EXO1: variants seen among roughly 807,000 people sequenced by gnomAD.
EXO1 encodes the protein exonuclease 1.
A neutral mutation model predicts 84.5 loss-of-function variants in EXO1; 69 were observed. The observed-to-expected ratio is 0.82, with a 90% confidence interval of 0.67 to 1.00. EXO1 has a LOEUF of 1.00. Ranked by LOEUF, EXO1 falls within the 50% of genes least tolerant of loss-of-function variation. The probability of loss-of-function intolerance (pLI) is 0.00; values close to 1 mark genes in which losing one functional copy is unlikely to be tolerated. For synonymous variants in EXO1, 373 were observed against 366.1 expected, an observed-to-expected ratio of 1.02 and a Z score of -0.21; for missense variants, 1,045 against 1,000.7, an observed-to-expected ratio of 1.04 and a Z score of -0.60.
At chr1:241,867,465 A>G (rs920402359) in intron 11 of EXO1, among the ~76,000 whole-genome samples, 1 of 152,210 alleles carries the variant, frequency 6.6e-6, no homozygotes, top group Non-Finnish European at 1.5e-5. Context: ...CCCACAACAC[A>G]TAGGAATTAT....
chr1:241,889,037 A>G (rs1427361130), intron 15 of EXO1, among the ~76,000 whole-genome samples: 2 of 152,048 alleles, frequency 1.3e-5, no homozygotes, highest in African/African-American at 4.8e-5. Context: ...GTGCCACTGC[A>G]CTCCAGCCTG....
chr1:241,865,640 G>C (rs1187934586), intron 10 of EXO1, among the ~76,000 whole-genome samples: 1 of 133,862 alleles, frequency 7.5e-6, no homozygotes, highest in Non-Finnish European at 1.6e-5. Flanking sequence ...TCCTTCATCA[G>C]CTCAAATTCC....
intron 10 of EXO1, among the ~76,000 whole-genome samples, chr1:241,864,992 G>A (rs906667280): frequency 1.3e-5 from 2 of 150,974 alleles, no homozygotes; most frequent in Non-Finnish European, 2.9e-5. Context: ...CTGGCATCAA[G>A]CCTCTTGAGT....
chr1:241,881,576 G>A (rs1662758729), intron 13 of EXO1, among the ~76,000 whole-genome samples: 1 of 152,194 alleles, frequency 6.6e-6, no homozygotes, highest in Admixed American at 6.5e-5. Flanking sequence ...ATTTTAGCTA[G>A]TAAGATGAAA....
chr1:241,868,087 T>G (rs1661854644), intron 11 of EXO1, among the ~76,000 whole-genome samples: 1 of 151,740 alleles, frequency 6.6e-6, no homozygotes, highest in Admixed American at 6.6e-5. Flanking sequence ...CAAAAAAAAT[T>G]TTTAAGGCCG....
intron 4 of EXO1, among the ~76,000 whole-genome samples, chr1:241,851,238 A>G (rs543772086): frequency 6.6e-6 from 1 of 152,286 alleles, no homozygotes; most frequent in African/African-American, 2.4e-5. Context: ...CCTGGTTAGC[A>G]AAAAAACAAA....
chr1:241,875,297 C>G lies in EXO1; in HGVS notation c.1514+3019C>G, dbSNP rs192958356. On this transcript the variant is annotated intron_variant, in intron 12 of 15. Transcript: ENST00000366548. ...GGGATTACAGGCGTGAGTCACCACA[C>G]TCTGCCCTGTTTTTCAAGTTTAATA... Among the ~76,000 whole-genome samples, 102 of 152,288 alleles carry G rather than the reference C, an allele frequency of 6.7e-4. 1 individual carries two copies. Among genetic ancestry groups the G allele is most frequent in the African/African-American group, 2.4e-3 (100 of 41,568 alleles).
intron 10 of EXO1, among the ~76,000 whole-genome samples, chr1:241,861,822 A>G (rs1056511517): frequency 2.0e-5 from 3 of 152,190 alleles, no homozygotes; most frequent in Non-Finnish European, 4.4e-5. Context: ...ATTTGGCATC[A>G]TTGAAGACCC....
chr1:241,861,582 T>C (rs1342420398), intron 10 of EXO1, 80 bp downstream of exon 10: 9 of 806,094 alleles, frequency 1.1e-5, no homozygotes, highest in Non-Finnish European at 1.8e-5. Context: ...CTTCATACAC[T>C]AAGCTTCTTT....
intron 4 of EXO1, among the ~76,000 whole-genome samples, chr1:241,851,773 G>T (rs1405795176): frequency 1.3e-5 from 2 of 152,134 alleles, no homozygotes; most frequent in African/African-American, 4.8e-5. Flanking sequence ...CGCAGAACTG[G>T]TTGTTAAACA....
chr1:241,866,719 A>G (rs566255049), intron 10 of EXO1, 111 bp from the exon 11 acceptor site: 9 of 816,756 alleles, frequency 1.1e-5, no homozygotes, highest in African/African-American at 3.4e-5. Context: ...ATCAACAGCT[A>G]TTGTTTTTAA....
At chr1:241,865,177 T>TTATATA (rs10570422) in intron 10 of EXO1, among the ~76,000 whole-genome samples, 7 of 131,272 alleles carry the variant, frequency 5.3e-5, no homozygotes, top group African/African-American at 1.9e-4. Flanking sequence ...GGCCACAGCA[T>TTATATA]TATATATATA....
intron 6 of EXO1, among the ~76,000 whole-genome samples, chr1:241,856,636 A>G (rs950750321): frequency 2.0e-5 from 3 of 152,188 alleles, no homozygotes; most frequent in Admixed American, 6.5e-5. Flanking sequence ...GTAGCTTGAC[A>G]GGACAACCTG....
chr1:241,881,098 G>T (rs1485664994), intron 13 of EXO1, among the ~76,000 whole-genome samples: 1 of 151,926 alleles, frequency 6.6e-6, no homozygotes, highest in Non-Finnish European at 1.5e-5. Flanking sequence ...TACAATCTCG[G>T]CTCACTGCAA....
intron 10 of EXO1, among the ~76,000 whole-genome samples, chr1:241,864,032 C>T (rs967085531): frequency 8.5e-4 from 129 of 152,242 alleles, no homozygotes; most frequent in African/African-American, 3.1e-3. Context: ...TGAACGTTTT[C>T]TTCCGCTCTC....
chr1:241,867,977 G>T (rs895942584), intron 11 of EXO1, among the ~76,000 whole-genome samples: 1 of 150,306 alleles, frequency 6.7e-6, no homozygotes, highest in Non-Finnish European at 1.5e-5. Context: ...ATGGTGGTTT[G>T]CACCTACAAC....
intron 3 of EXO1, among the ~76,000 whole-genome samples, chr1:241,849,840 G>A (rs561751288): frequency 7.1e-4 from 108 of 152,312 alleles, no homozygotes; most frequent in African/African-American, 2.5e-3. Flanking sequence ...AAGTGCAAAA[G>A]CACTTTGGAA....
Position 241,853,486 on chromosome 1 carries a change from G to GA in EXO1, c.405+6dup. The GA allele has an allele frequency of 6.2e-7, 1 of 1,613,948 alleles. No homozygotes were observed. The highest frequency in any genetic ancestry group is 1.1e-5 in the South Asian group (1 of 91,060). On this transcript the variant is annotated splice_donor_region_variant and intron_variant, in intron 6 of 15. Coordinates refer to ENST00000366548, the MANE Select transcript of EXO1 (RefSeq NM_130398.4). ...ATGGCCCACAAAGTAATTAAAGTAAGACAAAGGGGCAGATGGGCAAGTTCA... is the reference window on the plus strand; with the variant it reads ...ATGGCCCACAAAGTAATTAAAGTAAGAACAAAGGGGCAGATGGGCAAGTTCA...
At position 241,889,710 on chromosome 1, in the gene EXO1, A is replaced by T; in HGVS notation, c.*110A>T. ...GAAGAATTTTTTCTCATTCTGTGCC[A>T]TTTTAAAAATAGAATACATTTTGTA... On this transcript the variant is annotated 3_prime_UTR_variant, in exon 16 of 16. Transcript: ENST00000366548. 9.5e-7 allele frequency: 1 copy of T among 1,049,444 alleles called. No homozygotes were observed. The highest frequency in any genetic ancestry group is 1.5e-6 in the Non-Finnish European group (1 of 675,718). 65.0% of individuals were successfully genotyped at this position (1,049,444 alleles called of 1,614,324 possible).
Sources: allele counts gnomAD v4.1 joint callset (sites outside exome capture counted in the v4.1 genomes callset), GRCh38; gene constraint gnomAD v4.1.1; transcripts MANE v1.5; gene names NCBI Gene and HGNC (gene_info 2026-07-23, HGNC 2026-07-21).